LTBP1: variants seen among roughly 807,000 people sequenced by gnomAD.
LTBP1 encodes the protein latent-transforming growth factor beta-binding protein 1.
Under a neutral mutation model 207.6 loss-of-function variants are expected in LTBP1, and 129 were observed. The ratio of observed to expected loss-of-function variants is 0.62; its 90% confidence interval spans 0.54 to 0.72. The LOEUF (loss-of-function observed/expected upper bound fraction) is 0.72. Ranked by LOEUF, LTBP1 falls within the 30% of genes least tolerant of loss-of-function variation. LTBP1 has a pLI of 0.00. For synonymous variants in LTBP1, 963 were observed against 833.7 expected (o/e 1.16, Z -2.67); for missense variants, 2,281 against 2,217.2 (o/e 1.03, Z -0.58).
intron 5 of LTBP1, among the ~76,000 whole-genome samples, chr2:33,175,718 G>A (rs1021586267): frequency 5.3e-5 from 8 of 152,106 alleles, no homozygotes; most frequent in Non-Finnish European, 7.4e-5. Context: ...TGTTTATTGC[G>A]GCACTATTCA....
chr2:33,195,019 C>G (rs575619838), intron 7 of LTBP1, among the ~76,000 whole-genome samples: 1 of 152,142 alleles, frequency 6.6e-6, no homozygotes, highest in South Asian at 2.1e-4. Flanking sequence ...TTTGGTTTAC[C>G]GAAGGTTTTA....
chr2:33,037,315 C>T (rs2075973326), intron 3 of LTBP1, among the ~76,000 whole-genome samples: 1 of 152,164 alleles, frequency 6.6e-6, no homozygotes, highest in Admixed American at 6.5e-5. Flanking sequence ...GAAAGTGCTG[C>T]AATTGTGTAG....
chr2:33,303,281 G>A (rs1320196707), intron 22 of LTBP1, among the ~76,000 whole-genome samples: 5 of 151,964 alleles, frequency 3.3e-5, no homozygotes, highest in African/African-American at 1.2e-4. Context: ...GTTTTTCCCT[G>A]GATGGGGTTG....
At chr2:33,210,854 T>C (rs1465432547) in intron 7 of LTBP1, among the ~76,000 whole-genome samples, 3 of 152,234 alleles carry the variant, frequency 2.0e-5, no homozygotes, top group Admixed American at 2.0e-4. Context: ...AGTCACTTCC[T>C]TGTTTCAGTT....
intron 10 of LTBP1, among the ~76,000 whole-genome samples, chr2:33,248,128 C>T (rs934093104): frequency 2.6e-5 from 4 of 152,162 alleles, no homozygotes; most frequent in Admixed American, 6.5e-5. Flanking sequence ...CACCGTGGCC[C>T]GGAGGTGAGA....
At chr2:33,182,545 C>T (rs997119043) in intron 5 of LTBP1, among the ~76,000 whole-genome samples, 1 of 150,948 alleles carries the variant, frequency 6.6e-6, no homozygotes, top group East Asian at 1.9e-4. Context: ...GCCTGTAGTC[C>T]CAGCTACTCG....
chr2:33,275,653 C>T (rs2093410305), intron 17 of LTBP1, 148 bp from the exon 18 acceptor site: 1 of 927,112 alleles, frequency 1.1e-6, no homozygotes, highest in Non-Finnish European at 1.6e-6. Flanking sequence ...CATTGCACTC[C>T]AGCCTGGGCA....
chr2:33,200,527 A>G (rs1419018592), intron 7 of LTBP1, among the ~76,000 whole-genome samples: 2 of 152,188 alleles, frequency 1.3e-5, no homozygotes, highest in Admixed American at 6.5e-5. Context: ...AAAACCCTAG[A>G]AGAAAACCTA....
intron 5 of LTBP1, among the ~76,000 whole-genome samples, chr2:33,148,772 T>C (rs1159576849): frequency 6.6e-6 from 1 of 152,236 alleles, no homozygotes; most frequent in East Asian, 1.9e-4. Flanking sequence ...GTCTGTCAAA[T>C]AGTTCTCAAC....
At chr2:32,978,603 G>A (rs1328946519) in intron 2 of LTBP1, among the ~76,000 whole-genome samples, 2 of 148,110 alleles carry the variant, frequency 1.4e-5, no homozygotes, top group Admixed American at 6.7e-5. Context: ...TGGTTTGTTA[G>A]TATTTTGTCT....
At chr2:33,206,750 A>AG (rs946090299) in intron 7 of LTBP1, among the ~76,000 whole-genome samples, 6 of 152,018 alleles carry the variant, frequency 3.9e-5, no homozygotes, top group African/African-American at 1.5e-4. Flanking sequence ...AAAAAAAAAA[A>AG]AAAAGAAAAA....
chr2:33,251,619 C>T (rs1397229550), intron 10 of LTBP1, among the ~76,000 whole-genome samples: 8 of 141,370 alleles, frequency 5.7e-5, no homozygotes, highest in Non-Finnish European at 9.0e-5. Context: ...GAGCTGAGAT[C>T]GCGCCACTGC....
chr2:32,991,661 C>A (rs755882788), intron 2 of LTBP1, among the ~76,000 whole-genome samples: 3 of 152,142 alleles, frequency 2.0e-5, no homozygotes, highest in Non-Finnish European at 4.4e-5. Context: ...AACATGCTAG[C>A]CATCTTCAGT....
chr2:33,236,550 G>T (rs2092060373), intron 9 of LTBP1, among the ~76,000 whole-genome samples: 1 of 152,280 alleles, frequency 6.6e-6, no homozygotes, highest in East Asian at 1.9e-4. Context: ...GCTGGGATAG[G>T]TTTCAAAAAG....
chr2:33,380,272 A>C (rs948447276), intron 31 of LTBP1, among the ~76,000 whole-genome samples: 1 of 152,102 alleles, frequency 6.6e-6, no homozygotes, highest in African/African-American at 2.4e-5. Flanking sequence ...TTTGCAGCCC[A>C]TGATAAGAAT....
rs529994693 is a variant in LTBP1 at position 32,949,784 on chromosome 2, A to G, written c.565+839A>G. 2.7e-4 allele frequency among the ~76,000 whole-genome samples: 41 copies of G among 152,322 alleles called. 1 individual carries two copies. In the South Asian group the frequency reaches 8.3e-3, roughly 31 times the overall value. ...ATTGTCCAAAATTTCTGCTGCTTGG[A>G]TTTTAAAATACAGGTGGATGAATTT... On this transcript the variant is annotated intron_variant, in intron 2 of 33. Transcript: ENST00000404816.
At chr2:32,998,614 C>A (rs1450892223) in intron 2 of LTBP1, among the ~76,000 whole-genome samples, 1 of 140,122 alleles carries the variant, frequency 7.1e-6, no homozygotes, top group African/African-American at 2.6e-5. Context: ...TGCAAAATTT[C>A]TATGTTGAAA....
At chr2:33,374,533 G>A (rs1365774335) in intron 31 of LTBP1, among the ~76,000 whole-genome samples, 1 of 152,202 alleles carries the variant, frequency 6.6e-6, no homozygotes, top group African/African-American at 2.4e-5. Context: ...CGTCATGCGG[G>A]CACAGAGAAT....
chr2:33,074,869 CAAAAAAAAAA>C (rs36211816), intron 3 of LTBP1, among the ~76,000 whole-genome samples: 2 of 131,950 alleles, frequency 1.5e-5, no homozygotes, highest in African/African-American at 3.4e-5. Context: ...GACTCCATCT[CAAAAAAAAAA>C]AAAAAAAAAA....
Sources: allele counts gnomAD v4.1 joint callset (sites outside exome capture counted in the v4.1 genomes callset), GRCh38; gene constraint gnomAD v4.1.1; transcripts MANE v1.5; gene names NCBI Gene and HGNC (gene_info 2026-07-23, HGNC 2026-07-21).